ADAMTS19: variants seen among roughly 807,000 people sequenced by gnomAD.
ADAMTS19 encodes the protein ADAM metallopeptidase with thrombospondin type 1 motif 19, also known as A disintegrin and metalloproteinase with thrombospondin motifs 19.
Under a neutral mutation model 153.3 loss-of-function variants are expected in ADAMTS19, and 93 were observed. That is an observed-to-expected ratio of 0.61 (90% CI 0.51 to 0.72). The LOEUF is 0.72. Ranked by LOEUF, ADAMTS19 falls within the 30% of genes least tolerant of loss-of-function variation. The pLI is 0.00. For synonymous variants in ADAMTS19, 600 were observed against 556.6 expected (o/e 1.08, Z -1.10); for missense variants, 1,482 against 1,552.1 (o/e 0.95, Z 0.76).
At chr5:129,650,378 A>G (rs1452622242) in intron 13 of ADAMTS19, among the ~76,000 whole-genome samples, 1 of 152,084 alleles carries the variant, frequency 6.6e-6, no homozygotes, top group Non-Finnish European at 1.5e-5. Context: ...TTGCCTGTCC[A>G]TTTCAGTGCC....
At chr5:129,656,577 C>T (rs974388285) in intron 14 of ADAMTS19, among the ~76,000 whole-genome samples, 1 of 152,210 alleles carries the variant, frequency 6.6e-6, no homozygotes, top group Non-Finnish European at 1.5e-5. Context: ...CCAGTGGTAC[C>T]TCAGGTACTT....
At chr5:129,736,742 C>T (rs943216133) in intron 22 of ADAMTS19, among the ~76,000 whole-genome samples, 1 of 151,996 alleles carries the variant, frequency 6.6e-6, no homozygotes, top group Admixed American at 6.6e-5. Flanking sequence ...ATTTATTTTT[C>T]TTTTTAATTT....
chr5:129,685,945 A>G (rs1192269243), intron 18 of ADAMTS19, among the ~76,000 whole-genome samples: 1 of 152,216 alleles, frequency 6.6e-6, no homozygotes, highest in Non-Finnish European at 1.5e-5. Flanking sequence ...TTCGGAAGTT[A>G]CAGTTGAAAC....
At chr5:129,543,015 G>C (rs961131884) in intron 6 of ADAMTS19, among the ~76,000 whole-genome samples, 2 of 144,324 alleles carry the variant, frequency 1.4e-5, no homozygotes, top group African/African-American at 5.1e-5. Context: ...ACTAGTTTTT[G>C]TTGTTGTTTT....
chr5:129,722,234 A>G (rs1453452949), intron 21 of ADAMTS19, among the ~76,000 whole-genome samples: 1 of 152,136 alleles, frequency 6.6e-6, no homozygotes, highest in African/African-American at 2.4e-5. Flanking sequence ...TAAAAGTGTC[A>G]TATTTCTCCA....
Position 129,694,871 on chromosome 5 carries a change from G to T in ADAMTS19, c.2954+16G>T. Reference sequence around the variant, plus strand: ...GTCAAACAAGGTAACTCTATTCCAAGGGCCCTTAAAGCATTATTTGTCCAT... The same window carrying T: ...GTCAAACAAGGTAACTCTATTCCAATGGCCCTTAAAGCATTATTTGTCCAT... On this transcript the variant is annotated intron_variant, in intron 19 of 22. Coordinates refer to ENST00000274487, the MANE Select transcript of ADAMTS19 (RefSeq NM_133638.6). The T allele has an allele frequency of 1.9e-6, 3 of 1,562,124 alleles. No homozygotes were observed. Among genetic ancestry groups the T allele is most frequent in the Non-Finnish European group, 2.6e-6 (3 of 1,152,688 alleles).
chr5:129,488,383 T>A (rs900098644), intron 2 of ADAMTS19, among the ~76,000 whole-genome samples: 7 of 152,100 alleles, frequency 4.6e-5, no homozygotes, highest in Non-Finnish European at 8.8e-5. Flanking sequence ...CACAGACCAC[T>A]CACACCCATT....
At chr5:129,646,751 G>T (rs1753082461) in intron 11 of ADAMTS19, among the ~76,000 whole-genome samples, 2 of 152,272 alleles carry the variant, frequency 1.3e-5, no homozygotes, top group South Asian at 4.1e-4. Flanking sequence ...TTTGTAAATT[G>T]TGTTGCCATT....
chr5:129,719,115 TGTTA>T (rs1756860410), intron 21 of ADAMTS19, among the ~76,000 whole-genome samples: 2 of 152,182 alleles, frequency 1.3e-5, no homozygotes, highest in East Asian at 3.8e-4. Flanking sequence ...AACAGACTGC[TGTTA>T]GTTGAGTTTT....
chr5:129,712,619 C>T (rs1756533769), intron 21 of ADAMTS19, among the ~76,000 whole-genome samples: 1 of 151,750 alleles, frequency 6.6e-6, no homozygotes, highest in African/African-American at 2.4e-5. Context: ...TTTTGAAAAT[C>T]TCCTGAGAGT....
intron 14 of ADAMTS19, among the ~76,000 whole-genome samples, chr5:129,657,453 A>C (rs1364460471): frequency 6.6e-6 from 1 of 152,186 alleles, no homozygotes; most frequent in Non-Finnish European, 1.5e-5. Context: ...ATGTAATACT[A>C]CCATTTATTT....
intron 8 of ADAMTS19, among the ~76,000 whole-genome samples, chr5:129,614,976 C>G (rs188132264): frequency 1.2e-4 from 19 of 152,238 alleles, no homozygotes; most frequent in Non-Finnish European, 5.9e-5. Context: ...ATCCAACTTA[C>G]AAGGGACGTG....
At position 129,641,888 on chromosome 5, in the gene ADAMTS19, G is replaced by A; in HGVS notation, c.1800G>A (p.Lys600=). The A allele has an allele frequency of 6.2e-7, 1 of 1,602,396 alleles. No individual in the cohort carries two copies. The highest frequency in any genetic ancestry group is 8.5e-7 in the Non-Finnish European group (1 of 1,173,080). Residue 600 remains lysine, a synonymous_variant, in exon 11 of 23, where the codon AAG becomes AAA. Transcript: ENST00000274487. ...TTATTTGCACAGGATTATGGTGCAAGGTAGAAGGTGAGAAAGAATGCAGAA... is the reference window on the plus strand; with the variant it reads ...TTATTTGCACAGGATTATGGTGCAAAGTAGAAGGTGAGAAAGAATGCAGAA... The part of the protein sequence containing the change: ...QHVICTGLWC[K]VEGEKECRTK...
intron 2 of ADAMTS19, among the ~76,000 whole-genome samples, chr5:129,484,253 C>A (rs944497723): frequency 6.6e-6 from 1 of 152,028 alleles, no homozygotes; most frequent in Admixed American, 6.6e-5. Flanking sequence ...ATAGGTAACA[C>A]CCAGATTTCA....
intron 8 of ADAMTS19, among the ~76,000 whole-genome samples, chr5:129,614,893 C>G (rs909332294): frequency 1.0e-4 from 15 of 150,518 alleles, no homozygotes; most frequent in South Asian, 2.1e-4. Context: ...ACACCAATAA[C>G]AGACAAACAG....
chr5:129,461,470 C>A lies in ADAMTS19; in HGVS notation c.460C>A (p.Pro154Thr), dbSNP rs1225779252. 1 of 1,466,346 alleles carries A rather than the reference C, an allele frequency of 6.8e-7. No individual in the cohort carries two copies. The highest frequency in any genetic ancestry group is 2.5e-5 in the Admixed American group (1 of 39,666). 90.8% of individuals were successfully genotyped at this position (1,466,346 alleles called of 1,614,324 possible). A position where few individuals can be genotyped will look rare whatever the true frequency, so the allele number is the denominator to read the frequency against. ...ASWQPPPPPQPPPSPPPAQHA... is the reference protein window; with the variant it reads ...ASWQPPPPPQTPPSPPPAQHA... ...GTGGCAGCCGCCGCCTCCCCCGCAG[C>A]CGCCCCCGTCCCCGCCCCCGGCCCA... Residue 154 changes from proline (P) to threonine (T), a missense_variant, in exon 2 of 23, where the codon CCG (proline) becomes ACG (threonine). Physicochemically the swap from Pro to Thr is conservative, Grantham distance 38. Transcript: ENST00000274487. The surrounding 1 kb of genome is among the most constrained non-coding windows in gnomAD (Gnocchi z 4.6).
chr5:129,696,957 A>G (rs1451456751), intron 19 of ADAMTS19, among the ~76,000 whole-genome samples: 1 of 152,172 alleles, frequency 6.6e-6, no homozygotes, highest in African/African-American at 2.4e-5. Context: ...CTCTCAGCCA[A>G]TCTCTAAAGT....
chr5:129,473,738 G>T (rs949782976), intron 2 of ADAMTS19, among the ~76,000 whole-genome samples: 1 of 151,924 alleles, frequency 6.6e-6, no homozygotes, highest in Non-Finnish European at 1.5e-5. Context: ...ATATTGAATT[G>T]ATATTTTAAA....
intron 18 of ADAMTS19, among the ~76,000 whole-genome samples, chr5:129,687,746 T>C (rs898215085): frequency 6.6e-6 from 1 of 152,196 alleles, no homozygotes; most frequent in Non-Finnish European, 1.5e-5. Context: ...CTCATCATAC[T>C]GCCTTCATGA....
Sources: allele counts gnomAD v4.1 joint callset (sites outside exome capture counted in the v4.1 genomes callset), GRCh38; gene constraint gnomAD v4.1.1; non-coding constraint Gnocchi (gnomAD v3.1); transcripts MANE v1.5; gene names NCBI Gene and HGNC (gene_info 2026-07-23, HGNC 2026-07-21).